SPEF2: variants seen among roughly 807,000 people sequenced by gnomAD.
SPEF2 encodes sperm flagellar and cilia associated 2.
In SPEF2, 187 loss-of-function variants were observed where a neutral mutation model predicts 224.6. The ratio of observed to expected loss-of-function variants is 0.83; its 90% CI spans 0.74 to 0.94. The LOEUF is 0.94. SPEF2 is among the 40% of genes least tolerant of loss of function. SPEF2 has a pLI of 0.00. For synonymous variants in SPEF2, 715 were observed against 707.3 expected (o/e 1.01, Z -0.17); for missense variants, 2,170 against 2,135.6 (o/e 1.02, Z -0.32).
At chr5:35,632,868 A>C (rs1040177559) in intron 2 of SPEF2, 2 of 152,078 alleles carry the variant, frequency 1.3e-5, no homozygotes, top group African/African-American at 4.8e-5. Flanking sequence ...GAATTTTCCA[A>C]ATTTACTGTA....
intron 30 of SPEF2, among the ~76,000 whole-genome samples, chr5:35,780,724 G>A (rs1385966585): frequency 6.6e-6 from 1 of 151,984 alleles, no homozygotes; most frequent in Non-Finnish European, 1.5e-5. Context: ...AAAGATAAGT[G>A]TAAGTGGATT....
intron 30 of SPEF2, among the ~76,000 whole-genome samples, chr5:35,783,769 G>A (rs1307992576): frequency 6.6e-6 from 1 of 152,128 alleles, no homozygotes; most frequent in Non-Finnish European, 1.5e-5. Flanking sequence ...TTCTGGGTAG[G>A]TACATCTTGT....
intron 32 of SPEF2, among the ~76,000 whole-genome samples, chr5:35,794,657 G>A (rs767526772): frequency 3.9e-5 from 6 of 152,054 alleles, no homozygotes; most frequent in Non-Finnish European, 7.4e-5. Context: ...ACTGACCTTC[G>A]CTATTTATTG....
At chr5:35,643,031 T>A (rs1746817354) in intron 3 of SPEF2, among the ~76,000 whole-genome samples, 1 of 152,220 alleles carries the variant, frequency 6.6e-6, no homozygotes. Context: ...TGCTTATTTC[T>A]ACCTGCCTCA....
chr5:35,814,303 G>A lies in SPEF2; in HGVS notation c.5380-161G>A, dbSNP rs912716249. ...CATACAAGTAGTAAGTCTCAGGGTG[G>A]GATTAAAACTAAATGGAGAAATTTG... On this transcript the variant is annotated intron_variant, in intron 36 of 36. Transcript: ENST00000356031. Among the ~76,000 whole-genome samples, 15 of 151,764 alleles carry A rather than the reference G, an allele frequency of 9.9e-5. No homozygotes were observed. In the East Asian group the frequency reaches 1.3e-3, roughly 14 times the overall value.
At chr5:35,794,263 C>G (rs935958409) in intron 32 of SPEF2, among the ~76,000 whole-genome samples, 1 of 152,214 alleles carries the variant, frequency 6.6e-6, no homozygotes, top group Non-Finnish European at 1.5e-5. Flanking sequence ...TGCTGGTAGA[C>G]ATGAAATAGG....
At chr5:35,782,098 CT>C (rs1164026244) in intron 30 of SPEF2, among the ~76,000 whole-genome samples, 2 of 152,188 alleles carry the variant, frequency 1.3e-5, no homozygotes, top group Non-Finnish European at 2.9e-5. Flanking sequence ...CAATTGTTCA[CT>C]TAAGAAACAT....
chr5:35,746,524 G>A (rs1489386986), intron 23 of SPEF2, among the ~76,000 whole-genome samples: 1 of 152,120 alleles, frequency 6.6e-6, no homozygotes, highest in Admixed American at 6.5e-5. Context: ...AACCTGAAAT[G>A]TTCTGGAAAG....
intron 20 of SPEF2, among the ~76,000 whole-genome samples, chr5:35,715,474 A>G (rs1742360162): frequency 6.6e-6 from 1 of 152,076 alleles, no homozygotes; most frequent in African/African-American, 2.4e-5. Flanking sequence ...CTGAAGGAAT[A>G]TTATGCCCAC....
chr5:35,670,817 G>C (rs1751139581), intron 10 of SPEF2: 1 of 979,462 alleles, frequency 1.0e-6, no homozygotes, highest in African/African-American at 1.8e-5. Flanking sequence ...TAGGTGACCA[G>C]TTCATTAAGG....
Position 35,618,206 on chromosome 5 carries a change from A to G in SPEF2, c.58+151A>G, listed in dbSNP as rs373983403. 197 of 823,134 alleles carry G rather than the reference A, an allele frequency of 2.4e-4. No individual in the cohort carries two copies. In the African/African-American group the frequency reaches 2.6e-3, roughly 11 times the overall value. 51.0% of individuals were successfully genotyped at this position (823,134 alleles called of 1,614,324 possible). The stretch of plus-strand genomic sequence containing the variant: ...AGCCGGCAGCATCCCACAGTGAGCA[A>G]CTCGGCTCGGCGGTGCCCCAGGTCC... On this transcript the variant is annotated intron_variant, in intron 1 of 36. Transcript: ENST00000356031.
chr5:35,664,366 A>T (rs1428760897), intron 8 of SPEF2, among the ~76,000 whole-genome samples: 1 of 151,394 alleles, frequency 6.6e-6, no homozygotes, highest in African/African-American at 2.4e-5. Flanking sequence ...GGAAGGAAAG[A>T]AGGAAGGAAG....
intron 16 of SPEF2, among the ~76,000 whole-genome samples, chr5:35,701,915 G>T (rs1738722269): frequency 6.6e-6 from 1 of 152,070 alleles, no homozygotes; most frequent in South Asian, 2.1e-4. Context: ...GGAATTCAAG[G>T]CTGCAGTGAG....
intron 23 of SPEF2, among the ~76,000 whole-genome samples, chr5:35,747,397 A>T (rs1748710584): frequency 6.6e-6 from 1 of 152,252 alleles, no homozygotes; most frequent in African/African-American, 2.4e-5. Context: ...ACAGAACTGC[A>T]GAATGGATAA....
intron 4 of SPEF2, among the ~76,000 whole-genome samples, chr5:35,645,976 G>C (rs1747319556): frequency 6.6e-6 from 1 of 152,024 alleles, no homozygotes; most frequent in Non-Finnish European, 1.5e-5. Context: ...TAATGTATTA[G>C]TAGTAAAGTC....
intron 9 of SPEF2, among the ~76,000 whole-genome samples, chr5:35,668,431 A>G (rs534408938): frequency 5.7e-4 from 87 of 152,314 alleles, no homozygotes; most frequent in African/African-American, 1.9e-3. Context: ...GATTTCATTT[A>G]TATAACATTC....
intron 23 of SPEF2, among the ~76,000 whole-genome samples, chr5:35,741,496 T>C (rs1182116653): frequency 6.6e-6 from 1 of 152,188 alleles, no homozygotes; most frequent in African/African-American, 2.4e-5. Flanking sequence ...GATGATATGG[T>C]CAGAGAGATT....
chr5:35,683,436 C>T (rs1753117606), intron 10 of SPEF2, among the ~76,000 whole-genome samples: 1 of 152,100 alleles, frequency 6.6e-6, no homozygotes, highest in African/African-American at 2.4e-5. Flanking sequence ...ACCAGCCTGA[C>T]CAACATGGTG....
intron 1 of SPEF2, among the ~76,000 whole-genome samples, chr5:35,621,392 G>A (rs1332150569): frequency 6.6e-6 from 1 of 152,028 alleles, no homozygotes; most frequent in Non-Finnish European, 1.5e-5. Context: ...GTCAGGAGGA[G>A]AGGGCTTAGT....
Sources: allele counts gnomAD v4.1 joint callset (sites outside exome capture counted in the v4.1 genomes callset), GRCh38; gene constraint gnomAD v4.1.1; transcripts MANE v1.5; gene names NCBI Gene and HGNC (gene_info 2026-07-23, HGNC 2026-07-21).